GPHN: variants seen among roughly 807,000 people sequenced by gnomAD.
GPHN encodes the protein gephyrin.
Under a neutral mutation model 95.5 loss-of-function variants are expected in GPHN, and 17 were observed. That is an observed-to-expected ratio of 0.18 (90% confidence interval 0.12 to 0.27). The LOEUF is 0.27. Among genes scored for constraint, GPHN ranks in the 10% least tolerant of loss-of-function variants. The probability of loss-of-function intolerance (pLI) is 1.00; values close to 1 mark genes in which losing one functional copy is unlikely to be tolerated. For synonymous variants in GPHN, 320 were observed against 322.5 expected, an observed-to-expected ratio of 0.99 and a Z score of 0.08; for missense variants, 660 against 978.1, an observed-to-expected ratio of 0.67 and a Z score of 4.34.
chr14:67,591,149 GTAGTT>G, the GPHN span, among the ~76,000 whole-genome samples: 7 of 152,104 alleles, frequency 4.6e-5, no homozygotes, highest in Admixed American at 1.3e-4. Flanking sequence ...GAGAAGATAG[GTAGTT>G]TAAAGTAAGA....
chr14:67,501,284 C>T, the GPHN span, among the ~76,000 whole-genome samples: 2 of 151,968 alleles, frequency 1.3e-5, no homozygotes, highest in Non-Finnish European at 2.9e-5. Flanking sequence ...TAGGGTGAGA[C>T]AAGACATGCA....
At chr14:67,375,232 CTGTGTGTGTGTGTG>C in the GPHN span, among the ~76,000 whole-genome samples, 912 of 137,668 alleles carry the variant, frequency 6.6e-3, 10 homozygotes, top group African/African-American at 0.02. Context: ...ATCCTCAGTT[CTGTGTGTGTGTGTG>C]TGTGTGTGTG....
intron 12 of GPHN, 40 bp downstream of exon 12, chr14:67,089,115 ATTTTTTTTTCTTTTTTTCTTTTTTTTTT>A (rs1419444375): frequency 1.1e-5 from 4 of 363,264 alleles, no homozygotes; most frequent in Non-Finnish European, 2.1e-5. Flanking sequence ...CAGGCACTGT[ATTTTTTTTTCTTTTTTTCTTTTTTTTTT>A]TTTTTTTTTT....
chr14:66,792,363 A>C lies in GPHN; in HGVS notation c.201+15842A>C, dbSNP rs111279418. ...ACAAAAAATAAATAAAATAATACAA[A>C]TTAGCTAGGCATGTTAGTGCACAAC... On this transcript the variant is annotated intron_variant, in intron 3 of 22. Transcript: ENST00000478722. Among the ~76,000 whole-genome samples, 470 of 152,138 alleles carry C rather than the reference A, an allele frequency of 3.1e-3. 11 individuals carry two copies. The highest frequency in any genetic ancestry group is 0.011 in the African/African-American group (445 of 41,514).
At chr14:67,118,147 A>C (rs188601932) in intron 16 of GPHN, among the ~76,000 whole-genome samples, 1 of 152,226 alleles carries the variant, frequency 6.6e-6, no homozygotes, top group Admixed American at 6.5e-5. Context: ...ACAAGAAAAA[A>C]AGAGAAGTTA....
At chr14:67,049,588 C>T (rs185803115) in intron 10 of GPHN, among the ~76,000 whole-genome samples, 2 of 151,634 alleles carry the variant, frequency 1.3e-5, no homozygotes, top group African/African-American at 4.9e-5. Context: ...TCTCAGCTCA[C>T]TGCAACCTCC....
chr14:67,089,408 C>T (rs1323965308), intron 12 of GPHN, among the ~76,000 whole-genome samples: 1 of 151,970 alleles, frequency 6.6e-6, no homozygotes. Flanking sequence ...TAGATACAGG[C>T]ATACAATGCA....
chr14:67,029,354 T>TTTTTTG (rs2074074904), intron 10 of GPHN, among the ~76,000 whole-genome samples: 1 of 151,632 alleles, frequency 6.6e-6, no homozygotes, highest in Non-Finnish European at 1.5e-5. Context: ...TTTTTTTTTT[T>TTTTTTG]GAGATGGAAT....
chr14:67,502,667 G>T, the GPHN span, among the ~76,000 whole-genome samples: 2 of 151,874 alleles, frequency 1.3e-5, no homozygotes, highest in Non-Finnish European at 2.9e-5. Flanking sequence ...GGTCAGGCTG[G>T]TCTCAAACTC....
intron 3 of GPHN, among the ~76,000 whole-genome samples, chr14:66,789,873 T>C (rs2059911671): frequency 6.6e-6 from 1 of 152,182 alleles, no homozygotes; most frequent in Non-Finnish European, 1.5e-5. Context: ...CCCAAAAGTA[T>C]ATTTCCTACC....
intron 3 of GPHN, among the ~76,000 whole-genome samples, chr14:66,802,499 C>T (rs962855135): frequency 3.3e-5 from 5 of 152,168 alleles, no homozygotes; most frequent in African/African-American, 1.2e-4. Flanking sequence ...GTCCCTTTCA[C>T]TTTTCCTTCT....
the GPHN span, among the ~76,000 whole-genome samples, chr14:67,246,930 G>A: frequency 1.3e-5 from 2 of 152,140 alleles, no homozygotes; most frequent in African/African-American, 2.4e-5. Context: ...GATTACAGGC[G>A]TGAGCCACTG....
At chr14:67,218,192 C>T in the GPHN span, among the ~76,000 whole-genome samples, 1 of 152,122 alleles carries the variant, frequency 6.6e-6, no homozygotes, top group Admixed American at 6.5e-5. Context: ...GTCTGGCTTG[C>T]TGGGTTTGGG....
chr14:67,662,678 G>T, the GPHN span: 1 of 756,446 alleles, frequency 1.3e-6, no homozygotes, highest in Non-Finnish European at 2.0e-6. Context: ...GGCCAAGGCA[G>T]GTGGATCACA....
chr14:67,403,716 G>A, the GPHN span, among the ~76,000 whole-genome samples: 1 of 152,158 alleles, frequency 6.6e-6, no homozygotes, highest in African/African-American at 2.4e-5. Context: ...CAAATCCTTT[G>A]ACCCAATAAT....
the GPHN span, chr14:67,650,845 G>T: frequency 6.2e-7 from 1 of 1,614,098 alleles, no homozygotes; most frequent in Non-Finnish European, 8.5e-7. Context: ...GAGAAGGAGG[G>T]CATATTGTCT....
At chr14:66,870,425 T>C (rs142621443) in intron 4 of GPHN, among the ~76,000 whole-genome samples, 1 of 152,300 alleles carries the variant, frequency 6.6e-6, no homozygotes, top group East Asian at 1.9e-4. Context: ...TAGAGAAAGA[T>C]GAAGAACTTT....
At chr14:66,539,409 C>CTTT (rs1000117893) in intron 1 of GPHN, among the ~76,000 whole-genome samples, 9,927 of 101,656 alleles carry the variant, frequency 0.098, 1,382 homozygotes, top group East Asian at 0.32. Flanking sequence ...TTTCTACTTT[C>CTTT]TTTTTTTTTT....
At chr14:66,614,496 T>G (rs964352732) in intron 1 of GPHN, among the ~76,000 whole-genome samples, 2 of 152,044 alleles carry the variant, frequency 1.3e-5, no homozygotes, top group Non-Finnish European at 2.9e-5. Context: ...TGTAATAGAT[T>G]ATATACTTTT....
Sources: gnomAD v4.1 joint callset for allele counts (sites outside exome capture counted in the v4.1 genomes callset) on GRCh38, gnomAD v4.1.1 for gene constraint, MANE v1.5 for transcripts, NCBI Gene and HGNC (gene_info 2026-07-23, HGNC 2026-07-21) for gene names.